ATG4A: variants seen among roughly 807,000 people sequenced by gnomAD.
ATG4A encodes the protein autophagy related 4A cysteine peptidase.
ATG4A carries 22 observed loss-of-function variants against 38.4 expected under a neutral mutation model. The observed-to-expected ratio is 0.57, with a 90% CI of 0.41 to 0.82. The LOEUF is 0.82. Ranked by LOEUF, ATG4A falls within the 40% of genes least tolerant of loss-of-function variation. ATG4A has a pLI of 0.00. For synonymous variants in ATG4A, 86 were observed against 100.7 expected (o/e 0.85, Z 0.88); for missense variants, 220 against 290.0 (o/e 0.76, Z 1.75).
At chrX:108,128,107 GT>G in intron 2 of ATG4A, among the ~76,000 whole-genome samples, 1 of 111,852 alleles carries the variant, frequency 8.9e-6, no homozygotes, top group South Asian at 3.8e-4. Context: ...CCAACCCCTA[GT>G]TTTTGTTTTG....
At chrX:108,091,708 T>C, upstream of ATG4A, 1 of 1,034,661 alleles carries the variant, frequency 9.7e-7, no homozygotes, top group Non-Finnish European at 1.4e-6. Context: ...GGGAGGCGCC[T>C]TTGCTGCCCT....
chrX:108,089,865 T>TA (rs2031549746), upstream of ATG4A, among the ~76,000 whole-genome samples: 1 of 111,448 alleles, frequency 9.0e-6, no homozygotes, highest in Admixed American at 9.5e-5. Context: ...AAATAAAAAT[T>TA]AAAAAAGCTA....
At chrX:108,143,781 A>G (rs2033361339) in intron 9 of ATG4A, 2 of 196,720 alleles carry the variant, frequency 1.0e-5, no homozygotes, top group Admixed American at 1.2e-4. Flanking sequence ...GCTGATGGTG[A>G]GTGGTGCCAC....
intron 10 of ATG4A, 45 bp from the exon 11 acceptor site, chrX:108,151,757 A>G (rs1188291922): frequency 1.7e-6 from 2 of 1,175,166 alleles, no homozygotes; most frequent in African/African-American, 3.5e-5. Flanking sequence ...CCATTGTGCA[A>G]TACCAAAGGT....
chrX:108,097,211 T>A (rs1210540007), intron 1 of ATG4A, among the ~76,000 whole-genome samples: 2 of 112,043 alleles, frequency 1.8e-5, no homozygotes, highest in Non-Finnish European at 3.8e-5. Flanking sequence ...GTTGGAGCTA[T>A]AATAGAAATC....
intron 9 of ATG4A, among the ~76,000 whole-genome samples, chrX:108,142,622 G>A (rs1488484880): frequency 9.0e-6 from 1 of 110,746 alleles, no homozygotes; most frequent in African/African-American, 3.3e-5. Flanking sequence ...GAGCCAGTCT[G>A]AGTTCCAAAA....
chrX:108,116,472 T>C (rs769778501), intron 1 of ATG4A, among the ~76,000 whole-genome samples: 6 of 111,852 alleles, frequency 5.4e-5, no homozygotes. Context: ...ACACTTCACA[T>C]GCTGTGAGAC....
intron 1 of ATG4A, among the ~76,000 whole-genome samples, chrX:108,098,169 C>T (rs1174548217): frequency 9.0e-6 from 1 of 111,224 alleles, no homozygotes; most frequent in East Asian, 2.8e-4. Context: ...TTTTTAATCC[C>T]GTGTTTTGAT....
Position 108,102,173 on chromosome X carries a change from C to T in ATG4A, c.10+10337C>T, listed in dbSNP as rs112631888. ...TCCATACCAACCGCACCATTCTACA[C>T]GCACACCAGCAGTGCACAAGGTTCC... On this transcript the variant is annotated intron_variant, in intron 1 of 12. Coordinates refer to ENST00000372232, the MANE Select transcript of ATG4A (RefSeq NM_052936.5). Among the ~76,000 whole-genome samples, 322 of 111,332 alleles carry T rather than the reference C, an allele frequency of 2.9e-3. 1 individual carries two copies. The highest frequency in any genetic ancestry group is 0.023 in the Middle Eastern group (5 of 214).
At chrX:108,131,165 T>C (rs971452407) in intron 3 of ATG4A, 95 bp from the exon 4 acceptor site, 7 of 752,206 alleles carry the variant, frequency 9.3e-6, no homozygotes, top group Non-Finnish European at 1.2e-5. Flanking sequence ...AGAGTATATA[T>C]ATTTACCTGT....
At chrX:108,152,645 TC>T (rs775568223) in intron 11 of ATG4A, among the ~76,000 whole-genome samples, 1 of 112,066 alleles carries the variant, frequency 8.9e-6, no homozygotes, top group South Asian at 3.8e-4. Context: ...AACTGACATT[TC>T]TTTGGAGCCA....
At chrX:108,109,044 C>T (rs989853104) in intron 1 of ATG4A, among the ~76,000 whole-genome samples, 2 of 111,952 alleles carry the variant, frequency 1.8e-5, no homozygotes, top group African/African-American at 6.5e-5. Flanking sequence ...ATTGCTGGAT[C>T]ACATGGTAGT....
upstream of ATG4A, among the ~76,000 whole-genome samples, chrX:108,089,905 C>T (rs1047701004): frequency 4.5e-5 from 5 of 111,676 alleles, no homozygotes; most frequent in Non-Finnish European, 9.4e-5. Context: ...AAGGGAATCC[C>T]TATTTGCAGT....
At chrX:108,098,826 C>T (rs1032310440) in intron 1 of ATG4A, among the ~76,000 whole-genome samples, 3 of 111,456 alleles carry the variant, frequency 2.7e-5, no homozygotes, top group South Asian at 3.7e-4. Context: ...TAGTTCATTC[C>T]CTCTTATTGC....
chrX:108,102,998 A>G (rs894930297), intron 1 of ATG4A, among the ~76,000 whole-genome samples: 4 of 106,568 alleles, frequency 3.8e-5, no homozygotes, highest in African/African-American at 1.4e-4. Context: ...TCCTCCCCCT[A>G]CTCCCCTGAC....
At chrX:108,140,999 CAT>C (rs777481460) in intron 9 of ATG4A, among the ~76,000 whole-genome samples, 4,209 of 77,284 alleles carry the variant, frequency 0.054, 303 homozygotes, top group African/African-American at 0.17. Context: ...TATATATATA[CAT>C]ATATATACGT....
intron 1 of ATG4A, among the ~76,000 whole-genome samples, chrX:108,117,221 T>C (rs1316567462): frequency 9.0e-6 from 1 of 111,188 alleles, no homozygotes; most frequent in Non-Finnish European, 1.9e-5. Context: ...AGAGGACTTA[T>C]TGCAAGGCAC....
intron 10 of ATG4A, among the ~76,000 whole-genome samples, chrX:108,151,510 G>A (rs1481940597): frequency 8.9e-6 from 1 of 112,228 alleles, no homozygotes; most frequent in Non-Finnish European, 1.9e-5. Flanking sequence ...TGAAAGTAAT[G>A]GAATTAACCC....
At chrX:108,095,633 C>T (rs999842891) in intron 1 of ATG4A, among the ~76,000 whole-genome samples, 1 of 111,038 alleles carries the variant, frequency 9.0e-6, no homozygotes, top group African/African-American at 3.3e-5. Context: ...CAAGAGTGGC[C>T]GTACCATTTT....
Sources: allele counts gnomAD v4.1 joint callset (sites outside exome capture counted in the v4.1 genomes callset), GRCh38; gene constraint gnomAD v4.1.1; transcripts MANE v1.5; gene names NCBI Gene and HGNC (gene_info 2026-07-23, HGNC 2026-07-21).